Variants in SLC5A4 observed in about 807,000 individuals in gnomAD.
The protein encoded by SLC5A4 is probable glucose sensor protein SLC5A4.
Under a neutral mutation model 70.3 loss-of-function variants are expected in SLC5A4, and 55 were observed. The ratio of observed to expected loss-of-function variants is 0.78; its 90% CI spans 0.63 to 0.98. The LOEUF is 0.98. Ranked by LOEUF, SLC5A4 falls within the 50% of genes least tolerant of loss-of-function variation. The pLI is 0.00. For synonymous variants in SLC5A4, 268 were observed against 305.7 expected (o/e 0.88, Z 1.29); for missense variants, 735 against 839.2 (o/e 0.88, Z 1.53).
upstream of SLC5A4, among the ~76,000 whole-genome samples, chr22:32,257,704 T>G (rs1927564406): frequency 6.7e-6 from 1 of 149,958 alleles, no homozygotes; most frequent in Admixed American, 6.7e-5. Flanking sequence ...TCACTCTTGT[T>G]GCCCAGGCTG....
At chr22:32,323,053 A>T in the SLC5A4 span, among the ~76,000 whole-genome samples, 1 of 152,276 alleles carries the variant, frequency 6.6e-6, no homozygotes, top group African/African-American at 2.4e-5. Context: ...CTGCAAGCGT[A>T]TCTAACTATA....
intron 11 of SLC5A4, 150 bp downstream of exon 11, chr22:32,229,044 G>T: frequency 1.5e-6 from 1 of 646,760 alleles, no homozygotes; most frequent in Non-Finnish European, 2.6e-6. Context: ...TCTGGAAAGT[G>T]ATCACTTGAA....
At chr22:32,315,069 A>ACC in the SLC5A4 span, among the ~76,000 whole-genome samples, 2 of 152,184 alleles carry the variant, frequency 1.3e-5, no homozygotes, top group Non-Finnish European at 2.9e-5. Flanking sequence ...TATACTTAAA[A>ACC]ATGGTTAAAA....
At chr22:32,305,848 C>A in the SLC5A4 span, among the ~76,000 whole-genome samples, 12 of 151,498 alleles carry the variant, frequency 7.9e-5, no homozygotes, top group Non-Finnish European at 1.3e-4. Context: ...CCACCCCCCA[C>A]GTGCTTTCGG....
At chr22:32,303,935 G>A in the SLC5A4 span, among the ~76,000 whole-genome samples, 72,860 of 151,984 alleles carry the variant, frequency 0.48, 17,620 homozygotes, top group Admixed American at 0.51. Flanking sequence ...GAGAGCTCCT[G>A]TTTCTCCACA....
At chr22:32,310,421 G>A in the SLC5A4 span, among the ~76,000 whole-genome samples, 1 of 152,194 alleles carries the variant, frequency 6.6e-6, no homozygotes, top group African/African-American at 2.4e-5. Context: ...GGCTTCCTCT[G>A]CCTTCCAAGG....
In SLC5A4 at chr22:32,229,304, G is replaced by A; in HGVS notation, c.1170C>T (p.Leu390=). The A allele has an allele frequency of 6.2e-7, 1 of 1,614,214 alleles. No homozygotes were observed. ...TGAAGATGGAGGTCAGGGAGCTCAT[G>A]AGAGAGGCCAGCATGACCGAAAGCA... ...GLMLSVMLAS[L]MSSLTSIFNS... is the part of the protein sequence containing the mutation. Residue 390 remains leucine (L), a synonymous_variant, in exon 11 of 15, where the codon CTC becomes CTT. Transcript: ENST00000266086.
chr22:32,326,151 G>T, the SLC5A4 span, among the ~76,000 whole-genome samples: 11 of 152,190 alleles, frequency 7.2e-5, no homozygotes, highest in Admixed American at 6.5e-4. Context: ...GAGTCATGAG[G>T]CACAACACGC....
intron 9 of SLC5A4, 147 bp from the exon 10 acceptor site, chr22:32,231,222 A>G: frequency 1.6e-6 from 1 of 642,906 alleles, no homozygotes; most frequent in Non-Finnish European, 2.8e-6. Flanking sequence ...CATATCATAG[A>G]TCTGGCCCCT....
chr22:32,341,362 T>C, the SLC5A4 span, among the ~76,000 whole-genome samples: 19 of 152,170 alleles, frequency 1.2e-4, no homozygotes, highest in Non-Finnish European at 1.8e-4. Context: ...GCCAGGAGCC[T>C]GTGGGGCAGA....
chr22:32,353,775 C>T, the SLC5A4 span, among the ~76,000 whole-genome samples: 2 of 150,914 alleles, frequency 1.3e-5, no homozygotes, highest in Admixed American at 6.6e-5. Flanking sequence ...CCCGGGATAG[C>T]GCCCCCAATC....
At chr22:32,232,488 T>G (rs1925813372) in intron 9 of SLC5A4, among the ~76,000 whole-genome samples, 1 of 152,208 alleles carries the variant, frequency 6.6e-6, no homozygotes, top group Non-Finnish European at 1.5e-5. Flanking sequence ...CACTGAAAAT[T>G]GATTCAGTTC....
chr22:32,228,349 C>T lies in SLC5A4; in HGVS notation c.1280+845G>A, dbSNP rs117036139. ...CAAGGTCAGGAGTTTGAGACCAGCC[C>T]GGCCAACGATGTGAATCCCTATCTC... On this transcript the variant is annotated intron_variant, in intron 11 of 14. Coordinates refer to ENST00000266086, the MANE Select transcript of SLC5A4 (RefSeq NM_014227.3). Among the ~76,000 whole-genome samples the T allele has an allele frequency of 1.1e-3, 173 of 152,098 alleles. 2 individuals carry two copies. The East Asian group carries it at 0.032, about 28-fold the overall frequency.
intron 11 of SLC5A4, among the ~76,000 whole-genome samples, chr22:32,228,357 G>A (rs574721383): frequency 9.2e-5 from 14 of 152,160 alleles, no homozygotes; most frequent in African/African-American, 3.4e-4. Context: ...CCCGGCCAAC[G>A]ATGTGAATCC....
the SLC5A4 span, among the ~76,000 whole-genome samples, chr22:32,268,956 T>C: frequency 1.3e-5 from 2 of 152,304 alleles, no homozygotes; most frequent in Non-Finnish European, 2.9e-5. Flanking sequence ...AGTGCAGTGG[T>C]GTGATCTCGG....
chr22:32,314,196 C>T, the SLC5A4 span, among the ~76,000 whole-genome samples: 1 of 152,230 alleles, frequency 6.6e-6, no homozygotes, highest in South Asian at 2.1e-4. Flanking sequence ...TCCTCAGCTT[C>T]ACAGAACAAA....
the SLC5A4 span, among the ~76,000 whole-genome samples, chr22:32,339,344 A>G: frequency 1.3e-5 from 2 of 152,086 alleles, no homozygotes; most frequent in African/African-American, 4.8e-5. Context: ...CTCACAACCT[A>G]AAGGCTACTT....
chr22:32,324,634 C>A, the SLC5A4 span, among the ~76,000 whole-genome samples: 2 of 152,240 alleles, frequency 1.3e-5, no homozygotes, highest in African/African-American at 4.8e-5. Context: ...CTGTACCACA[C>A]AGCACCGTAG....
the SLC5A4 span, among the ~76,000 whole-genome samples, chr22:32,332,296 T>C: frequency 6.6e-6 from 1 of 152,226 alleles, no homozygotes; most frequent in African/African-American, 2.4e-5. Flanking sequence ...CGTCCCCTCC[T>C]GCACTTCCTC....
Sources: allele counts gnomAD v4.1 joint callset (sites outside exome capture counted in the v4.1 genomes callset), GRCh38; gene constraint gnomAD v4.1.1; transcripts MANE v1.5; gene names NCBI Gene and HGNC (gene_info 2026-07-23, HGNC 2026-07-21).